Variants in EFNA5 observed in about 807,000 individuals in gnomAD.
The protein encoded by EFNA5 is ephrin A5, also known as ephrin-A5.
EFNA5 carries 5 observed loss-of-function variants against 22.9 expected under a neutral mutation model. The ratio of observed to expected loss-of-function variants is 0.22; its 90% confidence interval spans 0.11 to 0.46. EFNA5 has a LOEUF of 0.46. EFNA5 is among the 20% of genes least tolerant of loss of function. EFNA5 has a pLI of 0.99. For missense variants in EFNA5, 237 were observed against 293.3 expected, an observed-to-expected ratio of 0.81 and a Z score of 1.40; for synonymous variants, 113 against 112.2, an observed-to-expected ratio of 1.01 and a Z score of -0.04.
intron 1 of EFNA5, among the ~76,000 whole-genome samples, chr5:107,479,264 T>C (rs914487375): frequency 3.1e-4 from 1 of 3,272 alleles, no homozygotes; most frequent in Non-Finnish European, 5.1e-4. Context: ...AATGAAACAC[T>C]TCTAACCCCA....
At chr5:107,636,824 G>A (rs891656225) in intron 1 of EFNA5, among the ~76,000 whole-genome samples, 2 of 152,196 alleles carry the variant, frequency 1.3e-5, no homozygotes, top group African/African-American at 4.8e-5. Flanking sequence ...AGGTGATAAG[G>A]TTCTGGCAGG....
intron 1 of EFNA5, among the ~76,000 whole-genome samples, chr5:107,510,146 T>C (rs1249443329): frequency 1.3e-5 from 2 of 152,080 alleles, no homozygotes; most frequent in African/African-American, 4.8e-5. Flanking sequence ...CCAACCAAAA[T>C]CCACGAAAAC....
chr5:107,524,544 C>T (rs1747657264), intron 1 of EFNA5, among the ~76,000 whole-genome samples: 1 of 152,200 alleles, frequency 6.6e-6, no homozygotes, highest in Non-Finnish European at 1.5e-5. Context: ...TTTTTTACTA[C>T]TGGCAAACAG....
chr5:107,624,869 C>T (rs189875595), intron 1 of EFNA5, among the ~76,000 whole-genome samples: 12 of 152,118 alleles, frequency 7.9e-5, no homozygotes, highest in Admixed American at 4.6e-4. Context: ...GAAAACAATA[C>T]GGTTTTCACA....
intron 1 of EFNA5, among the ~76,000 whole-genome samples, chr5:107,650,188 C>G (rs1192629429): frequency 2.6e-5 from 4 of 152,146 alleles, no homozygotes; most frequent in African/African-American, 9.7e-5. Context: ...GTACAAACAG[C>G]TATGCTAAGG....
chr5:107,421,172 A>T (rs1428924643), intron 2 of EFNA5, among the ~76,000 whole-genome samples: 1 of 152,208 alleles, frequency 6.6e-6, no homozygotes, highest in African/African-American at 2.4e-5. Flanking sequence ...AAATTGCCTC[A>T]TGGCTTAAGA....
intron 1 of EFNA5, among the ~76,000 whole-genome samples, chr5:107,489,662 C>CCG (rs1203455643): frequency 2.0e-5 from 3 of 149,080 alleles, no homozygotes; most frequent in African/African-American, 5.0e-5. Context: ...CCCCACCTAC[C>CCG]CCCCCCACCA....
chr5:107,541,230 TC>T (rs1748040662), intron 1 of EFNA5, among the ~76,000 whole-genome samples: 1 of 152,170 alleles, frequency 6.6e-6, no homozygotes, highest in Non-Finnish European at 1.5e-5. Context: ...ATAATTATAT[TC>T]ACGGTATGAT....
intron 1 of EFNA5, among the ~76,000 whole-genome samples, chr5:107,471,719 A>G (rs1750146427): frequency 6.6e-6 from 1 of 152,348 alleles, no homozygotes; most frequent in East Asian, 1.9e-4. Flanking sequence ...TGGCTGGACC[A>G]TGGATTGTGA....
chr5:107,628,529 G>A (rs1464459987), intron 1 of EFNA5, among the ~76,000 whole-genome samples: 1 of 151,966 alleles, frequency 6.6e-6, no homozygotes, highest in Admixed American at 6.6e-5. Context: ...GGGTTTTTTT[G>A]TTACTGTTTC....
Position 107,493,415 on chromosome 5 carries a change from C to T in EFNA5, c.126-65906G>A, listed in dbSNP as rs543323317. On this transcript the variant is annotated intron_variant, in intron 1 of 4. Coordinates refer to ENST00000333274, the MANE Select transcript of EFNA5 (RefSeq NM_001962.3). ...TGTGCGGTAACTGCAGTGTTTTCCACACCTTGTTTCTCTTTAGCTAGGCCC... is the reference window on the plus strand; with the variant it reads ...TGTGCGGTAACTGCAGTGTTTTCCATACCTTGTTTCTCTTTAGCTAGGCCC... 1.8e-4 allele frequency among the ~76,000 whole-genome samples: 27 copies of T among 152,244 alleles called. No homozygotes were observed. In the South Asian group the frequency reaches 5.6e-3, roughly 32 times the overall value.
intron 4 of EFNA5, among the ~76,000 whole-genome samples, chr5:107,382,998 A>C (rs577283849): frequency 6.6e-6 from 1 of 152,328 alleles, no homozygotes; most frequent in South Asian, 2.1e-4. Flanking sequence ...GGGTAGAATC[A>C]CACTCGCTAA....
chr5:107,670,715 C>A lies in EFNA5; in HGVS notation c.-102G>T. 2.1e-6 allele frequency: 3 copies of A among 1,461,388 alleles called. No homozygotes were observed. The highest frequency in any genetic ancestry group is 2.6e-5 in the East Asian group (1 of 38,952). 90.5% of individuals were successfully genotyped at this position (1,461,388 alleles called of 1,614,324 possible). On this transcript the variant is annotated 5_prime_UTR_variant, in exon 1 of 5. Transcript: ENST00000333274. ...AAAGGGACAGAGAGAGAGCGGGCGCCAAATAAATATGAATAAATAAAAATG... is the reference window on the plus strand; with the variant it reads ...AAAGGGACAGAGAGAGAGCGGGCGCAAAATAAATATGAATAAATAAAAATG...
intron 2 of EFNA5, among the ~76,000 whole-genome samples, chr5:107,422,532 G>A (rs977104371): frequency 2.0e-5 from 3 of 152,234 alleles, no homozygotes; most frequent in Admixed American, 1.3e-4. Flanking sequence ...TGAGAGCAAG[G>A]CACGTGAATG....
chr5:107,590,100 T>C (rs956477452), intron 1 of EFNA5, among the ~76,000 whole-genome samples: 122 of 152,314 alleles, frequency 8.0e-4, no homozygotes, highest in African/African-American at 2.9e-3. Flanking sequence ...CATACCTTGT[T>C]TCCTCATCGG....
intron 1 of EFNA5, among the ~76,000 whole-genome samples, chr5:107,563,729 C>G (rs150643861): frequency 3.3e-4 from 50 of 152,360 alleles, no homozygotes; most frequent in African/African-American, 1.2e-3. Context: ...GCATGAGCCA[C>G]TGCACCCGGC....
At chr5:107,507,956 A>G (rs760428013) in intron 1 of EFNA5, among the ~76,000 whole-genome samples, 2 of 152,236 alleles carry the variant, frequency 1.3e-5, no homozygotes, top group Non-Finnish European at 2.9e-5. Flanking sequence ...TAGAAAGGCC[A>G]GGAAAGAGGA....
chr5:107,544,863 T>A (rs1748116151), intron 1 of EFNA5, among the ~76,000 whole-genome samples: 1 of 152,160 alleles, frequency 6.6e-6, no homozygotes, highest in Non-Finnish European at 1.5e-5. Context: ...AAAAATTAAG[T>A]AACTTTCTCA....
chr5:107,630,660 A>G (rs1180821826), intron 1 of EFNA5, among the ~76,000 whole-genome samples: 1 of 152,120 alleles, frequency 6.6e-6, no homozygotes, highest in Admixed American at 6.5e-5. Flanking sequence ...CACTGAAGCT[A>G]CACTAAATTT....
Sources: gnomAD v4.1 joint callset for allele counts (sites outside exome capture counted in the v4.1 genomes callset) on GRCh38, gnomAD v4.1.1 for gene constraint, MANE v1.5 for transcripts, NCBI Gene and HGNC (gene_info 2026-07-23, HGNC 2026-07-21) for gene names.